GSDME: variants seen among roughly 807,000 people sequenced by gnomAD.
The protein encoded by GSDME is gasdermin E.
Under a neutral mutation model 47.5 loss-of-function variants are expected in GSDME, and 44 were observed. The ratio of observed to expected loss-of-function variants is 0.93; its 90% CI spans 0.73 to 1.19. GSDME has a LOEUF of 1.19. Ranked by LOEUF, GSDME falls within the 50% of genes most tolerant of loss-of-function variation. The probability of loss-of-function intolerance (pLI) is 0.00; values close to 1 mark genes in which losing one functional copy is unlikely to be tolerated. For synonymous variants in GSDME, 258 were observed against 252.8 expected (o/e 1.02, Z -0.20); for missense variants, 663 against 604.2 (o/e 1.10, Z -1.02).
chr7:24,728,040 GGGT>G lies in GSDME; in HGVS notation c.405-8825_405-8823del, dbSNP rs1790027169. On this transcript the variant is annotated intron_variant, in intron 3 of 9. Transcript: ENST00000645220. The surrounding 1 kb of genome is among the most constrained non-coding windows in gnomAD (Gnocchi z 7.2). ...GGGGCTGTAACGGGAGGAAGAGACA[GGGT>G]GCACCCAGCCCTGCCAATGAGTCTT... is the stretch of plus-strand genomic sequence containing the variant. 6.6e-6 allele frequency among the ~76,000 whole-genome samples: 1 copy of G among 152,240 alleles called. No homozygotes were observed. The highest frequency in any genetic ancestry group is 1.5e-5 in the Non-Finnish European group (1 of 68,044).
Position 24,716,453 on chromosome 7 carries a change from A to G in GSDME, c.697+801T>C, listed in dbSNP as rs892796773. On this transcript the variant is annotated intron_variant, in intron 5 of 9. Coordinates refer to ENST00000645220, the MANE Select transcript of GSDME (RefSeq NM_001127453.2). This position sits in a 1 kb window ranked among gnomAD's most constrained non-coding sequence, Gnocchi z 4.5. Reference sequence around the variant, plus strand: ...ACTATAATACCATTGTCACACCTAAAAAACTTCACAATTTATTATGTTACA... The same window carrying G: ...ACTATAATACCATTGTCACACCTAAGAAACTTCACAATTTATTATGTTACA... 2 of 152,354 alleles carry G rather than the reference A, an allele frequency of 1.3e-5. No individual in the cohort carries two copies. Among genetic ancestry groups the G allele is most frequent in the African/African-American group, 4.8e-5 (2 of 41,456 alleles). 9.4% of individuals were successfully genotyped at this position (152,354 alleles called of 1,614,324 possible). A position where few individuals can be genotyped will look rare whatever the true frequency, so the allele number is the denominator to read the frequency against.
At chr7:24,778,058 C>T in the GSDME span, among the ~76,000 whole-genome samples, 1 of 147,896 alleles carries the variant, frequency 6.8e-6, no homozygotes, top group Admixed American at 6.8e-5. This position sits in a 1 kb window ranked among gnomAD's most constrained non-coding sequence, Gnocchi z 5.6. Flanking sequence ...GATGGAGGGA[C>T]AAAGAAAGAG....
At position 24,702,559 on chromosome 7, in the gene GSDME, C is replaced by T. The variant is rs971956408; in HGVS notation, c.1257+201G>A. The T allele has an allele frequency of 1.7e-5, 9 of 545,040 alleles. No homozygotes were observed. The African/African-American group carries it at 1.7e-4, about 10-fold the overall frequency. 33.8% of individuals were successfully genotyped at this position (545,040 alleles called of 1,614,324 possible). Reference sequence around the variant, plus strand: ...TGGACCTGCTAACAAGTTATTTGGACAAATCATTTTCCTCTGGGTCTCAGT... The same window carrying T: ...TGGACCTGCTAACAAGTTATTTGGATAAATCATTTTCCTCTGGGTCTCAGT... On this transcript the variant is annotated intron_variant, in intron 9 of 9. Transcript: ENST00000645220.
Position 24,712,408 on chromosome 7 carries a change from C to T in GSDME, c.698-2020G>A, listed in dbSNP as rs893653797. 2.8e-4 allele frequency among the ~76,000 whole-genome samples: 42 copies of T among 152,232 alleles called. No individual in the cohort carries two copies. Among genetic ancestry groups the T allele is most frequent in the Non-Finnish European group, 5.0e-4 (34 of 68,040 alleles). On this transcript the variant is annotated intron_variant, in intron 5 of 9. Transcript: ENST00000645220. This position sits in a 1 kb window ranked among gnomAD's most constrained non-coding sequence, Gnocchi z 4.4. ...TCCACAGCACCAACCACACACCACA[C>T]TCTCACCTTCACCCATGCATAGCTC...
At chr7:24,782,424 C>T in the GSDME span, among the ~76,000 whole-genome samples, 3 of 152,152 alleles carry the variant, frequency 2.0e-5, no homozygotes, top group Non-Finnish European at 4.4e-5. Context: ...GCATAGTATT[C>T]CATGGTGTAT....
intron 9 of GSDME, among the ~76,000 whole-genome samples, chr7:24,701,585 C>T (rs1788872650): frequency 6.6e-6 from 1 of 152,206 alleles, no homozygotes; most frequent in African/African-American, 2.4e-5. Context: ...ATGCTGAGCA[C>T]TCAGTTGCTG....
At chr7:24,710,451 GGA>G in intron 5 of GSDME, 63 bp from the exon 6 acceptor site, 2 of 1,557,686 alleles carry the variant, frequency 1.3e-6, no homozygotes, top group Non-Finnish European at 1.8e-6. Context: ...CAACAAGTCT[GGA>G]CAGGGTCAGC....
intron 1 of GSDME, among the ~76,000 whole-genome samples, 174 bp from the exon 2 acceptor site, chr7:24,749,967 T>C (rs1172876607): frequency 1.3e-5 from 2 of 152,174 alleles, no homozygotes; most frequent in Non-Finnish European, 2.9e-5. Context: ...AATAGAGATA[T>C]TGAAAGAACA....
At position 24,710,702 on chromosome 7, in the gene GSDME, C is replaced by T. The variant is rs982796132; in HGVS notation, c.698-314G>A. 1.9e-5 allele frequency: 6 copies of T among 307,866 alleles called. No homozygotes were observed. The South Asian group carries it at 2.2e-4, about 12-fold the overall frequency. The allele number at this position is 307,866 out of a possible 1,614,324, so 19.1% of individuals were successfully genotyped here. A position where few individuals can be genotyped will look rare whatever the true frequency, so the allele number is the denominator to read the frequency against. ...TTATCCTGATTTGAACAAACTGATTCTAAACAGACAAATGAAACCTGACAT... is the reference window on the plus strand; with the variant it reads ...TTATCCTGATTTGAACAAACTGATTTTAAACAGACAAATGAAACCTGACAT... On this transcript the variant is annotated intron_variant, in intron 5 of 9. Coordinates refer to ENST00000645220, the MANE Select transcript of GSDME (RefSeq NM_001127453.2).
Position 24,708,136 on chromosome 7 carries a change from C to A in GSDME, c.981G>T (p.Leu327=). Residue 327 remains leucine (L), a synonymous_variant, in exon 7 of 10, where the codon CTG becomes CTT. Transcript: ENST00000645220. ...VLFDDELLMV[L]EPVCDDLVSG... Reference sequence around the variant, plus strand: ...ATGTCTCAGGGCTCACCACTGGTTCCAGGACCATGAGTAGTTCATCATCAA... The same window carrying A: ...ATGTCTCAGGGCTCACCACTGGTTCAAGGACCATGAGTAGTTCATCATCAA... 6.2e-7 allele frequency: 1 copy of A among 1,614,128 alleles called. No individual in the cohort carries two copies. The highest frequency in any genetic ancestry group is 8.5e-7 in the Non-Finnish European group (1 of 1,180,018).
intron 3 of GSDME, among the ~76,000 whole-genome samples, chr7:24,740,816 G>A (rs1790465364): frequency 6.6e-6 from 1 of 152,100 alleles, no homozygotes; most frequent in South Asian, 2.1e-4. Flanking sequence ...ATTACTGTAT[G>A]TGCATAGAAA....
At position 24,745,994 on chromosome 7, in the gene GSDME, C is replaced by T. The variant is rs1470755108; in HGVS notation, c.212-1240G>A. On this transcript the variant is annotated intron_variant, in intron 2 of 9. Coordinates refer to ENST00000645220, the MANE Select transcript of GSDME (RefSeq NM_001127453.2). The surrounding 1 kb of genome is among the most constrained non-coding windows in gnomAD (Gnocchi z 4.4). ...CAAGGCTCTCCTGGGCTCCCGGCTG[C>T]CCTTCACAGGGGATTCAAACCCACC... Among the ~76,000 whole-genome samples, 1 of 152,176 alleles carries T rather than the reference C, an allele frequency of 6.6e-6. No homozygotes were observed. Among genetic ancestry groups the T allele is most frequent in the Non-Finnish European group, 1.5e-5 (1 of 68,032 alleles).
chr7:24,713,450 C>A (rs1022835973), intron 5 of GSDME, among the ~76,000 whole-genome samples: 4 of 152,230 alleles, frequency 2.6e-5, no homozygotes, highest in African/African-American at 9.6e-5. Flanking sequence ...TATCTTAGGA[C>A]TGCATGTCCT....
At chr7:24,747,726 G>C (rs1015632733) in intron 2 of GSDME, among the ~76,000 whole-genome samples, 1 of 151,942 alleles carries the variant, frequency 6.6e-6, no homozygotes, top group African/African-American at 2.4e-5. Flanking sequence ...GGAATGCAGT[G>C]GCACAATCAT....
rs1246043470 is a variant in GSDME, at chr7:24,721,422, G to A, written c.405-2204C>T. ...GGAAGGAACAGGAAACAGGGACCCT[G>A]GAGCCTGCAGGGCTGGGGTTCGGAT... On this transcript the variant is annotated intron_variant, in intron 3 of 9. Coordinates refer to ENST00000645220, the MANE Select transcript of GSDME (RefSeq NM_001127453.2). The surrounding 1 kb of genome is among the most constrained non-coding windows in gnomAD (Gnocchi z 4.1). 6.6e-6 allele frequency among the ~76,000 whole-genome samples: 1 copy of A among 152,232 alleles called. No homozygotes were observed. The highest frequency in any genetic ancestry group is 2.4e-5 in the African/African-American group (1 of 41,462).
At chr7:24,753,290 A>G (rs1790914085) in intron 1 of GSDME, among the ~76,000 whole-genome samples, 1 of 152,186 alleles carries the variant, frequency 6.6e-6, no homozygotes, top group East Asian at 1.9e-4. Flanking sequence ...CCCTTCAGCC[A>G]TATTTCCTTC....
At chr7:24,711,135 A>G (rs945126451) in intron 5 of GSDME, among the ~76,000 whole-genome samples, 5 of 152,240 alleles carry the variant, frequency 3.3e-5, no homozygotes, top group Non-Finnish European at 7.3e-5. Context: ...TAGTCACTGA[A>G]GCTGGATGGT....
chr7:24,722,292 A>G (rs1011087124), intron 3 of GSDME, among the ~76,000 whole-genome samples: 1 of 152,248 alleles, frequency 6.6e-6, no homozygotes, highest in Non-Finnish European at 1.5e-5. Context: ...AAGACACGGA[A>G]GATGGGGGAA....
At position 24,745,450 on chromosome 7, in the gene GSDME, A is replaced by G. The variant is rs1293610779; in HGVS notation, c.212-696T>C. On this transcript the variant is annotated intron_variant, in intron 2 of 9. Coordinates refer to ENST00000645220, the MANE Select transcript of GSDME (RefSeq NM_001127453.2). This position sits in a 1 kb window ranked among gnomAD's most constrained non-coding sequence, Gnocchi z 4.4. Reference sequence around the variant, plus strand: ...TTCTCTCTCTGACCTCTACCCAGTCATTCAATTCCTCATCATATAATTCCT... The same window carrying G: ...TTCTCTCTCTGACCTCTACCCAGTCGTTCAATTCCTCATCATATAATTCCT... 6.6e-6 allele frequency among the ~76,000 whole-genome samples: 1 copy of G among 152,190 alleles called. No individual in the cohort carries two copies. Among genetic ancestry groups the G allele is most frequent in the African/African-American group, 2.4e-5 (1 of 41,446 alleles).
Sources: gnomAD v4.1 joint callset for allele counts (sites outside exome capture counted in the v4.1 genomes callset) on GRCh38, gnomAD v4.1.1 for gene constraint, Gnocchi (gnomAD v3.1) non-coding constraint, MANE v1.5 for transcripts, NCBI Gene and HGNC (gene_info 2026-07-23, HGNC 2026-07-21) for gene names.